CACNG2: variants seen among roughly 807,000 people sequenced by gnomAD.
The protein encoded by CACNG2 is calcium voltage-gated channel auxiliary subunit gamma 2.
In CACNG2, 3 loss-of-function variants were observed where a neutral mutation model predicts 25.9. The ratio of observed to expected loss-of-function variants is 0.12; its 90% CI spans 0.05 to 0.30. The LOEUF (loss-of-function observed/expected upper bound fraction) is 0.30. Among genes scored for constraint, CACNG2 ranks in the 10% least tolerant of loss-of-function variants. The pLI is 1.00. For missense variants in CACNG2, 341 were observed against 432.5 expected (o/e 0.79, Z 1.88); for synonymous variants, 167 against 173.3 (o/e 0.96, Z 0.29).
intron 1 of CACNG2, among the ~76,000 whole-genome samples, chr22:36,598,600 A>G (rs1603501232): frequency 6.6e-6 from 1 of 152,180 alleles, no homozygotes; most frequent in South Asian, 2.1e-4. Flanking sequence ...CCTTGGTGAC[A>G]AGAGCAAGAA....
At chr22:36,630,159 C>G (rs764679866) in intron 1 of CACNG2, among the ~76,000 whole-genome samples, 4 of 152,110 alleles carry the variant, frequency 2.6e-5, no homozygotes, top group Non-Finnish European at 4.4e-5. Flanking sequence ...GATGATGTAG[C>G]ACTGTGGGCT....
chr22:36,702,239 G>A (rs1937419113), intron 1 of CACNG2, 127 bp downstream of exon 1: 1 of 676,892 alleles, frequency 1.5e-6, no homozygotes, highest in Admixed American at 2.2e-5. Flanking sequence ...ACCTTGATTG[G>A]TGGTGGAAGG....
chr22:36,683,625 CCAAGAAAACA>C (rs1387952867), intron 1 of CACNG2, among the ~76,000 whole-genome samples: 1 of 152,158 alleles, frequency 6.6e-6, no homozygotes, highest in Non-Finnish European at 1.5e-5. Flanking sequence ...ACAGCTTCTT[CCAAGAAAACA>C]CCTCTTCCTA....
At chr22:36,654,160 GA>G (rs1317779081) in intron 1 of CACNG2, among the ~76,000 whole-genome samples, 1 of 152,038 alleles carries the variant, frequency 6.6e-6, no homozygotes, top group Non-Finnish European at 1.5e-5. Context: ...ATATTCTCAA[GA>G]GAGCCAATCT....
intron 1 of CACNG2, among the ~76,000 whole-genome samples, chr22:36,625,040 AAAG>A (rs959386622): frequency 4.7e-5 from 7 of 150,492 alleles, no homozygotes; most frequent in Admixed American, 2.6e-4. Flanking sequence ...AAAAAAAAAA[AAAG>A]AACCACAGAT....
At chr22:36,619,457 G>A (rs182646523) in intron 1 of CACNG2, among the ~76,000 whole-genome samples, 2 of 152,332 alleles carry the variant, frequency 1.3e-5, no homozygotes, top group East Asian at 3.9e-4. Context: ...AATGCGATGG[G>A]TGATGTTTTG....
chr22:36,624,883 C>T (rs977996293), intron 1 of CACNG2, among the ~76,000 whole-genome samples: 7 of 151,924 alleles, frequency 4.6e-5, no homozygotes, highest in African/African-American at 1.7e-4. Flanking sequence ...CAAAAATTAG[C>T]TGGGTGTGGT....
chr22:36,646,799 T>G (rs1480280230), intron 1 of CACNG2, among the ~76,000 whole-genome samples: 2 of 148,488 alleles, frequency 1.3e-5, no homozygotes, highest in Non-Finnish European at 3.0e-5. Flanking sequence ...TTCTCTCCTC[T>G]GGGCTCCCAT....
intron 1 of CACNG2, among the ~76,000 whole-genome samples, chr22:36,648,399 C>A (rs1051916598): frequency 6.6e-6 from 1 of 152,182 alleles, no homozygotes; most frequent in Non-Finnish European, 1.5e-5. Context: ...TCCTAGACAC[C>A]CATTGCTCTG....
chr22:36,693,159 AG>A (rs956772343), intron 1 of CACNG2, among the ~76,000 whole-genome samples: 2 of 152,164 alleles, frequency 1.3e-5, no homozygotes, highest in Non-Finnish European at 2.9e-5. Context: ...AAAAGAAAAA[AG>A]GGGACAGGAC....
chr22:36,696,862 T>A (rs538511169), intron 1 of CACNG2, among the ~76,000 whole-genome samples: 1 of 152,304 alleles, frequency 6.6e-6, no homozygotes, highest in East Asian at 1.9e-4. Flanking sequence ...CCTCCTTTTT[T>A]TCCAGATAAG....
At position 36,563,369 on chromosome 22, in the gene CACNG2, G is replaced by C. The variant is rs990743719; in HGVS notation, c.*982C>G. ...GGGAGAGCTGTTTCATGTCCCCCGG[G>C]GGGGGGGGTGGCATCTCCTGACCCC... On this transcript the variant is annotated 3_prime_UTR_variant, in exon 4 of 4. Coordinates refer to ENST00000300105, the MANE Select transcript of CACNG2 (RefSeq NM_006078.5). 2.1e-4 allele frequency among the ~76,000 whole-genome samples: 5 copies of C among 23,624 alleles called. No homozygotes were observed. Among genetic ancestry groups the C allele is most frequent in the African/African-American group, 9.5e-4 (1 of 1,056 alleles). 15.5% of individuals were successfully genotyped at this position (23,624 alleles called of 152,430 possible).
intron 1 of CACNG2, among the ~76,000 whole-genome samples, chr22:36,632,680 C>A (rs1023870547): frequency 6.6e-6 from 1 of 152,164 alleles, no homozygotes; most frequent in Middle Eastern, 3.4e-3. Flanking sequence ...TCCTTGAACC[C>A]CTTTCTCACT....
chr22:36,650,016 C>G (rs1035335587), intron 1 of CACNG2, among the ~76,000 whole-genome samples: 1 of 152,238 alleles, frequency 6.6e-6, no homozygotes, highest in Non-Finnish European at 1.5e-5. Flanking sequence ...TCTCCTGTGG[C>G]TATCCCAGTC....
At chr22:36,669,156 G>A (rs938448860) in intron 1 of CACNG2, among the ~76,000 whole-genome samples, 1 of 152,042 alleles carries the variant, frequency 6.6e-6, no homozygotes, top group Non-Finnish European at 1.5e-5. Context: ...CGTCAGTTCT[G>A]TATCTCCCAG....
At chr22:36,662,933 G>A (rs558656516) in intron 1 of CACNG2, among the ~76,000 whole-genome samples, 1 of 151,928 alleles carries the variant, frequency 6.6e-6, no homozygotes, top group Non-Finnish European at 1.5e-5. Context: ...GGACCTTGGC[G>A]TAGTTATCTC....
At chr22:36,647,327 G>A (rs1936541292) in intron 1 of CACNG2, among the ~76,000 whole-genome samples, 1 of 152,070 alleles carries the variant, frequency 6.6e-6, no homozygotes, top group African/African-American at 2.4e-5. Context: ...CAGGTGCGGT[G>A]GCTCACACCT....
At chr22:36,682,554 A>T (rs1937138859) in intron 1 of CACNG2, among the ~76,000 whole-genome samples, 2 of 134,400 alleles carry the variant, frequency 1.5e-5, no homozygotes, top group East Asian at 2.3e-4. Context: ...CTGGCTACTC[A>T]ATGGTGACTT....
intron 1 of CACNG2, among the ~76,000 whole-genome samples, chr22:36,637,365 T>C (rs41304667): frequency 0.01 from 1,561 of 152,306 alleles, 7 homozygotes; most frequent in Non-Finnish European, 0.017. Flanking sequence ...CGAGTATTAG[T>C]GGAACAAGGT....
Sources: gnomAD v4.1 joint callset for allele counts (sites outside exome capture counted in the v4.1 genomes callset) on GRCh38, gnomAD v4.1.1 for gene constraint, MANE v1.5 for transcripts, NCBI Gene and HGNC (gene_info 2026-07-23, HGNC 2026-07-21) for gene names.